AAK1: variants seen among roughly 807,000 people sequenced by gnomAD.
AAK1 encodes the protein AP2-associated protein kinase 1.
In AAK1, 37 loss-of-function variants were observed where a neutral mutation model predicts 116.0. The observed-to-expected ratio is 0.32, with a 90% confidence interval of 0.25 to 0.42. The LOEUF (loss-of-function observed/expected upper bound fraction) is 0.42, where lower values mean the gene tolerates loss of function less well. Ranked by LOEUF, AAK1 falls within the 10% of genes least tolerant of loss-of-function variation. The pLI, the probability that AAK1 is intolerant of heterozygous loss-of-function variation, is 1.00. For synonymous variants in AAK1, 458 were observed against 439.9 expected, an observed-to-expected ratio of 1.04 and a Z score of -0.51; for missense variants, 919 against 1,170.6, an observed-to-expected ratio of 0.79 and a Z score of 3.14.
chr2:69,504,840 T>C (rs1362586863), intron 16 of AAK1, among the ~76,000 whole-genome samples: 1 of 152,234 alleles, frequency 6.6e-6, no homozygotes, highest in Non-Finnish European at 1.5e-5. Context: ...CAAAGATATC[T>C]GTGACTCTCA....
intron 2 of AAK1, among the ~76,000 whole-genome samples, chr2:69,562,901 A>G (rs9789699): frequency 0.24 from 37,184 of 151,810 alleles, 5,562 homozygotes; most frequent in East Asian, 0.49. Context: ...AAAACAAAAC[A>G]AATAAACAGA....
At position 69,474,902 on chromosome 2, in the gene AAK1, T is replaced by C; in HGVS notation, c.*967A>G. ...TTCATTTATACACAATTTACAATATTTGATTCAAAATAAAAATCACAAGAA... is the reference window on the plus strand; with the variant it reads ...TTCATTTATACACAATTTACAATATCTGATTCAAAATAAAAATCACAAGAA... On this transcript the variant is annotated 3_prime_UTR_variant, in exon 22 of 22. Coordinates refer to ENST00000409085, the MANE Select transcript of AAK1 (RefSeq NM_014911.5). 1 of 985,728 alleles carries C rather than the reference T, an allele frequency of 1.0e-6. No homozygotes were observed. The allele number at this position is 985,728 out of a possible 1,614,324, so 61.1% of individuals were successfully genotyped here.
intron 2 of AAK1, among the ~76,000 whole-genome samples, chr2:69,588,638 T>C (rs773725482): frequency 2.6e-5 from 4 of 152,204 alleles, no homozygotes; most frequent in Non-Finnish European, 5.9e-5. Context: ...AATTGCATCA[T>C]TTTGTTACTC....
intron 16 of AAK1, among the ~76,000 whole-genome samples, chr2:69,502,964 A>G (rs1329322033): frequency 3.3e-5 from 5 of 152,202 alleles, no homozygotes; most frequent in African/African-American, 1.2e-4. Context: ...TCTTCCATGA[A>G]CAATCATATT....
At chr2:69,600,773 C>T (rs1673541084) in intron 2 of AAK1, among the ~76,000 whole-genome samples, 1 of 152,180 alleles carries the variant, frequency 6.6e-6, no homozygotes, top group African/African-American at 2.4e-5. Context: ...TGCTATCAAA[C>T]AGGATCAAAT....
intron 2 of AAK1, among the ~76,000 whole-genome samples, 174 bp downstream of exon 2, chr2:69,642,704 G>C (rs1675795782): frequency 6.6e-6 from 1 of 152,138 alleles, no homozygotes; most frequent in Admixed American, 6.5e-5. Context: ...CATAAGCCCA[G>C]TCACTTTCAA....
At chr2:69,608,980 T>C (rs138079585) in intron 2 of AAK1, among the ~76,000 whole-genome samples, 50 of 152,224 alleles carry the variant, frequency 3.3e-4, no homozygotes, top group African/African-American at 1.2e-3. Context: ...AAGACACACA[T>C]AAAAGGAGAC....
intron 2 of AAK1, among the ~76,000 whole-genome samples, chr2:69,558,339 CAAAAA>C (rs35878234): frequency 7.5e-6 from 1 of 133,654 alleles, no homozygotes. Context: ...GACCCTGTCT[CAAAAA>C]AAAAAAAAAA....
chr2:69,591,247 G>A (rs940888870), intron 2 of AAK1, among the ~76,000 whole-genome samples: 3 of 152,168 alleles, frequency 2.0e-5, no homozygotes, highest in South Asian at 2.1e-4. Context: ...ATGAAGCCCA[G>A]TTCAGCACCC....
intron 2 of AAK1, among the ~76,000 whole-genome samples, chr2:69,580,607 G>T (rs1274140879): frequency 6.6e-6 from 1 of 152,166 alleles, no homozygotes; most frequent in African/African-American, 2.4e-5. Context: ...CTTGGCGAGG[G>T]TCAGTAGCAC....
chr2:69,534,965 G>C (rs1670401904), intron 5 of AAK1, among the ~76,000 whole-genome samples: 1 of 152,212 alleles, frequency 6.6e-6, no homozygotes, highest in African/African-American at 2.4e-5. Context: ...AGGGCACTGT[G>C]TTATGCCTGT....
At chr2:69,612,163 T>C (rs1674115269) in intron 2 of AAK1, among the ~76,000 whole-genome samples, 1 of 152,216 alleles carries the variant, frequency 6.6e-6, no homozygotes, top group South Asian at 2.1e-4. Context: ...GTTATCCAAC[T>C]GGGGATTTAT....
intron 9 of AAK1, among the ~76,000 whole-genome samples, chr2:69,525,958 A>G (rs1670004631): frequency 6.6e-6 from 1 of 152,138 alleles, no homozygotes; most frequent in Admixed American, 6.5e-5. Context: ...AATACTAGTT[A>G]TAAAACTGGC....
chr2:69,523,770 T>C (rs1553412547), intron 10 of AAK1, among the ~76,000 whole-genome samples: 1 of 152,222 alleles, frequency 6.6e-6, no homozygotes, highest in Admixed American at 6.5e-5. Context: ...TTCCCATAGG[T>C]TGCTGCCAGC....
chr2:69,482,686 G>C (rs1177549628), intron 18 of AAK1, 25 bp downstream of exon 18: 1 of 1,552,192 alleles, frequency 6.4e-7, no homozygotes, highest in African/African-American at 1.4e-5. Context: ...ATGCATGACT[G>C]AAGAAACAGA....
chr2:69,518,411 GTTT>G (rs71397333), intron 12 of AAK1, among the ~76,000 whole-genome samples: 3 of 132,606 alleles, frequency 2.3e-5, no homozygotes, highest in Non-Finnish European at 4.8e-5. Flanking sequence ...AAAAAAAATA[GTTT>G]TTTTTTTTTT....
intron 21 of AAK1, among the ~76,000 whole-genome samples, chr2:69,476,248 A>G (rs1377534820): frequency 6.6e-6 from 1 of 152,198 alleles, no homozygotes; most frequent in Non-Finnish European, 1.5e-5. Context: ...TTTCAAATCA[A>G]TACTTTTTTT....
chr2:69,557,038 C>T (rs1395528235), intron 2 of AAK1, 60 bp from the exon 3 acceptor site: 3 of 1,323,560 alleles, frequency 2.3e-6, no homozygotes, highest in Non-Finnish European at 3.2e-6. Flanking sequence ...AGCCACATAA[C>T]TGTGGTGGCT....
chr2:69,523,979 C>T (rs898749704), intron 10 of AAK1, among the ~76,000 whole-genome samples: 1 of 152,256 alleles, frequency 6.6e-6, no homozygotes, highest in Non-Finnish European at 1.5e-5. Context: ...TCCTGGCTCC[C>T]TCCCTGTTTT....
Sources: allele counts gnomAD v4.1 joint callset (sites outside exome capture counted in the v4.1 genomes callset), GRCh38; gene constraint gnomAD v4.1.1; transcripts MANE v1.5; gene names NCBI Gene and HGNC (gene_info 2026-07-23, HGNC 2026-07-21).